The following LRP1B variants were observed in gnomAD, a reference collection of about 807,000 sequenced individuals.
The protein encoded by LRP1B is low-density lipoprotein receptor-related protein 1B.
In LRP1B, 217 loss-of-function variants were observed where a neutral mutation model predicts 556.6. That is an observed-to-expected ratio of 0.39 (90% CI 0.35 to 0.44). LRP1B has a LOEUF of 0.44. LRP1B is among the 20% of genes least tolerant of loss of function. The pLI is 1.00. For synonymous variants in LRP1B, 2,047 were observed against 1,865.8 expected (o/e 1.10, Z -2.50); for missense variants, 5,053 against 5,620.8 (o/e 0.90, Z 3.23).
chr2:140,853,885 T>C (rs976637559), intron 27 of LRP1B, among the ~76,000 whole-genome samples: 4 of 151,778 alleles, frequency 2.6e-5, no homozygotes, highest in African/African-American at 9.7e-5. Flanking sequence ...ATAATTGAAG[T>C]CCCTAAGGAA....
chr2:141,765,366 A>T lies in LRP1B; in HGVS notation c.205+44913T>A, dbSNP rs1694701535. ...CATTGTTTTAGATAAAAGGTTTTTC[A>T]TTCATAAATAGCTAGCTTAGTTTTT... On this transcript the variant is annotated intron_variant, in intron 2 of 90. Coordinates refer to ENST00000389484, the MANE Select transcript of LRP1B (RefSeq NM_018557.3). 2.6e-5 allele frequency among the ~76,000 whole-genome samples: 4 copies of T among 152,262 alleles called. No individual in the cohort carries two copies. The South Asian group carries it at 8.3e-4, about 32-fold the overall frequency.
At chr2:140,912,933 A>T (rs1202209968) in intron 21 of LRP1B, among the ~76,000 whole-genome samples, 1 of 151,722 alleles carries the variant, frequency 6.6e-6, no homozygotes, top group Non-Finnish European at 1.5e-5. Context: ...ACCTTTTTGT[A>T]AACGGACTTG....
chr2:142,115,669 AT>A lies in LRP1B; in HGVS notation c.82+14978del, dbSNP rs1707213973. ...TATATATATTATATGTAATATATAT[AT>A]GTAATATATATATAATATATATGTA... is the stretch of plus-strand genomic sequence containing the variant. On this transcript the variant is annotated intron_variant, in intron 1 of 90. Coordinates refer to ENST00000389484, the MANE Select transcript of LRP1B (RefSeq NM_018557.3). 1.2e-3 allele frequency among the ~76,000 whole-genome samples: 12 copies of A among 9,978 alleles called. 5 individuals carry two copies. Among genetic ancestry groups the A allele is most frequent in the Admixed American group, 5.3e-3 (2 of 376 alleles). 6.5% of individuals were successfully genotyped at this position (9,978 alleles called of 152,430 possible). A position where few individuals can be genotyped will look rare whatever the true frequency, so the allele number is the denominator to read the frequency against.
At chr2:140,586,416 T>G (rs539385152) in intron 43 of LRP1B, among the ~76,000 whole-genome samples, 1 of 152,176 alleles carries the variant, frequency 6.6e-6, no homozygotes, top group Non-Finnish European at 1.5e-5. Context: ...AACTTTACTA[T>G]AGCCAGCCAC....
At chr2:141,989,371 G>C (rs1702281977) in intron 1 of LRP1B, among the ~76,000 whole-genome samples, 1 of 151,856 alleles carries the variant, frequency 6.6e-6, no homozygotes, top group South Asian at 2.1e-4. Context: ...AAAAAAGAAA[G>C]TCAAGGGTCA....
chr2:141,091,931 G>T (rs1470112352), intron 7 of LRP1B, among the ~76,000 whole-genome samples: 1 of 152,082 alleles, frequency 6.6e-6, no homozygotes, highest in Non-Finnish European at 1.5e-5. Context: ...TATGACTGCT[G>T]CCACTCACTG....
chr2:142,034,791 A>G (rs1703822768), intron 1 of LRP1B, among the ~76,000 whole-genome samples: 1 of 151,710 alleles, frequency 6.6e-6, no homozygotes, highest in Non-Finnish European at 1.5e-5. Flanking sequence ...TAGCCACCAC[A>G]CTGTGGTTAT....
intron 15 of LRP1B, among the ~76,000 whole-genome samples, chr2:141,002,396 T>A (rs547121705): frequency 2.0e-5 from 3 of 152,026 alleles, no homozygotes; most frequent in Non-Finnish European, 4.4e-5. Flanking sequence ...GAGGCATATT[T>A]GGAGCTCAGC....
At chr2:140,465,091 ATC>A (rs1573968860) in intron 60 of LRP1B, among the ~76,000 whole-genome samples, 1 of 152,272 alleles carries the variant, frequency 6.6e-6, no homozygotes, top group African/African-American at 2.4e-5. Context: ...TGCTGGCATC[ATC>A]TGTTAGGCCT....
At chr2:141,355,751 T>C (rs1397864148) in intron 3 of LRP1B, among the ~76,000 whole-genome samples, 4 of 151,466 alleles carry the variant, frequency 2.6e-5, no homozygotes. Context: ...AGAGATAATC[T>C]ATCTCCTAGA....
intron 58 of LRP1B, among the ~76,000 whole-genome samples, chr2:140,486,290 T>C (rs1688467939): frequency 6.6e-6 from 1 of 151,944 alleles, no homozygotes; most frequent in African/African-American, 2.4e-5. Context: ...TGTATCTTTT[T>C]CCCTAATGCC....
intron 4 of LRP1B, among the ~76,000 whole-genome samples, chr2:141,252,732 T>C (rs1055791184): frequency 6.6e-6 from 1 of 152,150 alleles, no homozygotes; most frequent in African/African-American, 2.4e-5. Flanking sequence ...TCCACAACAT[T>C]GACTACAAAG....
chr2:141,884,453 C>T (rs2104900195), intron 1 of LRP1B, among the ~76,000 whole-genome samples: 1 of 152,104 alleles, frequency 6.6e-6, no homozygotes, highest in East Asian at 1.9e-4. Flanking sequence ...CTAAAGAGCC[C>T]ATGATAGGAC....
chr2:141,544,507 C>T (rs2105219020), intron 2 of LRP1B, among the ~76,000 whole-genome samples: 1 of 150,966 alleles, frequency 6.6e-6, no homozygotes, highest in East Asian at 2.0e-4. Flanking sequence ...TCTTGAACGC[C>T]TGGCCTCAAG....
intron 32 of LRP1B, among the ~76,000 whole-genome samples, chr2:140,785,385 G>T (rs1689859902): frequency 6.6e-6 from 1 of 152,084 alleles, no homozygotes. Context: ...AATGATTAGA[G>T]ATCCAGGCAG....
chr2:141,985,516 T>TGGG (rs200519567), intron 1 of LRP1B, among the ~76,000 whole-genome samples: 2 of 151,510 alleles, frequency 1.3e-5, no homozygotes, highest in Non-Finnish European at 3.0e-5. Context: ...TTTATTTTTT[T>TGGG]GGGGGGGGTA....
intron 68 of LRP1B, among the ~76,000 whole-genome samples, chr2:140,375,742 T>C (rs1683198803): frequency 6.6e-6 from 1 of 152,128 alleles, no homozygotes; most frequent in Admixed American, 6.6e-5. Flanking sequence ...TGTTTTTTTG[T>C]TCTTACAACA....
At chr2:140,801,451 G>A (rs973058333) in intron 32 of LRP1B, among the ~76,000 whole-genome samples, 6 of 152,112 alleles carry the variant, frequency 3.9e-5, no homozygotes, top group South Asian at 4.1e-4. Context: ...ACTGAAGTAG[G>A]GATAGAGGAG....
intron 7 of LRP1B, among the ~76,000 whole-genome samples, chr2:141,182,732 C>A (rs1468151318): frequency 1.3e-5 from 2 of 151,766 alleles, no homozygotes; most frequent in Non-Finnish European, 2.9e-5. Context: ...TTTCCTTGAA[C>A]AATGGGGATG....
Sources: allele counts gnomAD v4.1 joint callset (sites outside exome capture counted in the v4.1 genomes callset), GRCh38; gene constraint gnomAD v4.1.1; transcripts MANE v1.5; gene names NCBI Gene and HGNC (gene_info 2026-07-23, HGNC 2026-07-21).